MTMR9: variants seen among roughly 807,000 people sequenced by gnomAD.
MTMR9 encodes myotubularin related protein 9.
In MTMR9, 39 loss-of-function variants were observed where a neutral mutation model predicts 69.5. The ratio of observed to expected loss-of-function variants is 0.56; its 90% CI spans 0.43 to 0.73. The LOEUF (loss-of-function observed/expected upper bound fraction) is 0.73, where lower values mean the gene tolerates loss of function less well. MTMR9 is among the 30% of genes least tolerant of loss of function. The pLI is 0.00. For missense variants in MTMR9, 900 were observed against 671.2 expected, an observed-to-expected ratio of 1.34 and a Z score of -3.77; for synonymous variants, 354 against 240.8, an observed-to-expected ratio of 1.47 and a Z score of -4.35.
At chr8:11,331,102 G>A (rs761142808), downstream of MTMR9, 7 of 1,586,164 alleles carry the variant, frequency 4.4e-6, no homozygotes, top group South Asian at 8.2e-5. Context: ...AAAGTCCAAG[G>A]AAAGATGGCT....
intron 6 of MTMR9, among the ~76,000 whole-genome samples, chr8:11,313,948 C>T (rs930880604): frequency 1.3e-5 from 2 of 152,200 alleles, no homozygotes; most frequent in African/African-American, 4.8e-5. Context: ...GCAAATCTCC[C>T]ATTTGTGGAA....
intron 6 of MTMR9, among the ~76,000 whole-genome samples, chr8:11,312,832 G>T (rs1220786380): frequency 1.3e-5 from 2 of 152,194 alleles, no homozygotes; most frequent in African/African-American, 2.4e-5. Context: ...CTGCAGAATA[G>T]ATGTTGTTTT....
intron 6 of MTMR9, 54 bp downstream of exon 6, chr8:11,309,742 T>A (rs1484197747): frequency 1.1e-5 from 18 of 1,584,462 alleles, no homozygotes; most frequent in Non-Finnish European, 1.5e-5. Flanking sequence ...AACTAGACTT[T>A]GTGTTTATCC....
chr8:11,319,262 A>T (rs1281582473), intron 8 of MTMR9: 1 of 153,682 alleles, frequency 6.5e-6, no homozygotes, highest in Non-Finnish European at 1.4e-5. Context: ...CATAAATGTC[A>T]AAAAGTGTAT....
intron 1 of MTMR9, among the ~76,000 whole-genome samples, chr8:11,287,580 G>T (rs933775651): frequency 3.3e-5 from 5 of 150,676 alleles, no homozygotes; most frequent in Non-Finnish European, 5.9e-5. Flanking sequence ...TGAGCTGTGC[G>T]GCTGCAGTGG....
At chr8:11,332,513 A>G (rs1801276156), downstream of MTMR9, among the ~76,000 whole-genome samples, 1 of 152,090 alleles carries the variant, frequency 6.6e-6, no homozygotes, top group Non-Finnish European at 1.5e-5. Flanking sequence ...ATAGAAAGGA[A>G]CCAGGTAGAA....
chr8:11,293,514 G>A (rs1799438998), intron 1 of MTMR9, among the ~76,000 whole-genome samples: 1 of 152,128 alleles, frequency 6.6e-6, no homozygotes. Flanking sequence ...ACCTTTTCAT[G>A]CTCTTTAACC....
chr8:11,329,250 C>T (rs1369840936), downstream of MTMR9, among the ~76,000 whole-genome samples: 1 of 152,164 alleles, frequency 6.6e-6, no homozygotes, highest in East Asian at 1.9e-4. Context: ...AAAAATTAGC[C>T]AGGCATGATG....
Position 11,319,939 on chromosome 8 carries a change from G to A in MTMR9, c.1486+101G>A, listed in dbSNP as rs951250662. 11 of 1,179,032 alleles carry A rather than the reference G, an allele frequency of 9.3e-6. No individual in the cohort carries two copies. The Admixed American group carries it at 1.6e-4, about 17-fold the overall frequency. 73.0% of individuals were successfully genotyped at this position (1,179,032 alleles called of 1,614,324 possible). ...GATGTATGAAGATGGTGAGCTGGACGTGGCCCTCAGACCTGTGTGAATTGT... is the reference window on the plus strand; with the variant it reads ...GATGTATGAAGATGGTGAGCTGGACATGGCCCTCAGACCTGTGTGAATTGT... On this transcript the variant is annotated intron_variant, in intron 9 of 9. Coordinates refer to ENST00000221086, the MANE Select transcript of MTMR9 (RefSeq NM_015458.4).
the MTMR9 span, among the ~76,000 whole-genome samples, chr8:11,334,376 G>T: frequency 6.6e-6 from 1 of 152,116 alleles, no homozygotes; most frequent in Non-Finnish European, 1.5e-5. Context: ...AATAACAAAG[G>T]GCGTGGGACA....
Position 11,295,211 on chromosome 8 carries a change from G to A in MTMR9, c.200G>A (p.Gly67Asp). 1.2e-6 allele frequency: 2 copies of A among 1,604,648 alleles called. No homozygotes were observed. Among genetic ancestry groups the A allele is most frequent in the Non-Finnish European group, 1.7e-6 (2 of 1,172,516 alleles). The change falls in exon 2 of 10, where the codon GGT (glycine) becomes GAT (aspartate). Residue 67 changes from glycine (G) to aspartate (D), a missense_variant. Gly to Asp is a moderately conservative substitution (Grantham distance 94). Transcript: ENST00000221086. ...AIDKRFVGSL[G>D]TIIIKCKDFR... Reference sequence around the variant, plus strand: ...TCTTACAGATTTGTAGGATCACTGGGTACCATCATCATAAAATGTAAAGAT... The same window carrying A: ...TCTTACAGATTTGTAGGATCACTGGATACCATCATCATAAAATGTAAAGAT...
chr8:11,326,381 A>G lies in MTMR9; in HGVS notation c.*3593A>G, dbSNP rs560463076. ...CAGAAAGGTATTTCCTGGACCAGAAATGGGCAATAGTTACAATAGTTGATC... is the reference window on the plus strand; with the variant it reads ...CAGAAAGGTATTTCCTGGACCAGAAGTGGGCAATAGTTACAATAGTTGATC... On this transcript the variant is annotated 3_prime_UTR_variant, in exon 10 of 10. Transcript: ENST00000221086. 3 of 152,354 alleles carry G rather than the reference A, an allele frequency of 2.0e-5. No individual in the cohort carries two copies. The highest frequency in any genetic ancestry group is 2.0e-4 in the Admixed American group (3 of 15,298). 9.4% of individuals were successfully genotyped at this position (152,354 alleles called of 1,614,324 possible). A position where few individuals can be genotyped will look rare whatever the true frequency, so the allele number is the denominator to read the frequency against.
chr8:11,315,476 C>T (rs189849802), intron 7 of MTMR9, among the ~76,000 whole-genome samples: 12 of 152,240 alleles, frequency 7.9e-5, no homozygotes, highest in Admixed American at 7.8e-4. Context: ...AAGCTTCCTT[C>T]AAAGATAAAA....
downstream of MTMR9, among the ~76,000 whole-genome samples, chr8:11,332,898 C>G (rs1461580367): frequency 2.0e-5 from 3 of 152,112 alleles, no homozygotes; most frequent in Non-Finnish European, 4.4e-5. Context: ...CCACGCCCAG[C>G]CTTCCGTAGA....
downstream of MTMR9, chr8:11,330,961 G>C: frequency 2.2e-6 from 3 of 1,360,910 alleles, no homozygotes; most frequent in South Asian, 1.6e-5. Flanking sequence ...AAGCAGAGTT[G>C]GACTCAGCGG....
the MTMR9 span, among the ~76,000 whole-genome samples, chr8:11,335,707 G>C: frequency 6.6e-6 from 1 of 152,148 alleles, no homozygotes; most frequent in Non-Finnish European, 1.5e-5. Flanking sequence ...CTGGTACTTT[G>C]CTGGCAGTCT....
intron 8 of MTMR9, 185 bp from the exon 9 acceptor site, chr8:11,319,502 T>A (rs1800572171): frequency 1.7e-6 from 1 of 601,744 alleles, no homozygotes; most frequent in Non-Finnish European, 2.9e-6. Flanking sequence ...TTGTTGTTGT[T>A]GAGAGTTCTA....
In MTMR9 at chr8:11,298,540, G is replaced by C. The variant is rs142247929; in HGVS notation, c.292-1483G>C. ...TGCTACACTGCTGAGCTGTATGTCC[G>C]GTCTACTATTGAATAGTCATGGGCC... is the stretch of plus-strand genomic sequence containing the variant. On this transcript the variant is annotated intron_variant, in intron 2 of 9. Transcript: ENST00000221086. Among the ~76,000 whole-genome samples, 320 of 152,012 alleles carry C rather than the reference G, an allele frequency of 2.1e-3. 1 individual carries two copies. Among genetic ancestry groups the C allele is most frequent in the African/African-American group, 7.0e-3 (291 of 41,430 alleles).
rs1800985762 is a variant in MTMR9, at chr8:11,327,435, A to G, written c.*4647A>G. ...GATTTGTAATAAAACTGAGTTGTAC[A>G]ACACTGCCTGTGTTTGTCTGGCCAA... On this transcript the variant is annotated 3_prime_UTR_variant, in exon 10 of 10. Transcript: ENST00000221086. 1 of 152,304 alleles carries G rather than the reference A, an allele frequency of 6.6e-6. No homozygotes were observed. Among genetic ancestry groups the G allele is most frequent in the African/African-American group, 2.4e-5 (1 of 41,560 alleles). 9.4% of individuals were successfully genotyped at this position (152,304 alleles called of 1,614,324 possible).
Sources: gnomAD v4.1 joint callset for allele counts (sites outside exome capture counted in the v4.1 genomes callset) on GRCh38, gnomAD v4.1.1 for gene constraint, MANE v1.5 for transcripts, NCBI Gene and HGNC (gene_info 2026-07-23, HGNC 2026-07-21) for gene names.